The following CUEDC1 variants were observed in gnomAD, a reference collection of about 807,000 sequenced individuals.
The protein encoded by CUEDC1 is CUE domain-containing protein 1.
In CUEDC1, 30 loss-of-function variants were observed where a neutral mutation model predicts 43.7. The ratio of observed to expected loss-of-function variants is 0.69; its 90% CI spans 0.51 to 0.93. The LOEUF is 0.93. Among genes scored for constraint, CUEDC1 ranks in the 40% least tolerant of loss-of-function variants. The pLI, the probability that CUEDC1 is intolerant of heterozygous loss-of-function variation, is 0.00. For missense variants in CUEDC1, 486 were observed against 549.0 expected (o/e 0.89, Z 1.15); for synonymous variants, 223 against 223.6 (o/e 1.00, Z 0.02).
At chr17:57,892,531 C>T (rs1161904183) in intron 1 of CUEDC1, 1 of 152,396 alleles carries the variant, frequency 6.6e-6, no homozygotes, top group Non-Finnish European at 1.5e-5. Flanking sequence ...CAGGCTCCCT[C>T]CTCTGAAAAT....
intron 5 of CUEDC1, 139 bp downstream of exon 5, chr17:57,872,524 G>T: frequency 2.2e-6 from 2 of 908,534 alleles, no homozygotes; most frequent in Non-Finnish European, 3.3e-6. Flanking sequence ...GGGATAACTT[G>T]GTGGGAGTCA....
rs553155630 is a variant in CUEDC1 at position 57,924,236 on chromosome 17, G to A, written c.-316+30989C>T. Among the ~76,000 whole-genome samples, 67 of 152,306 alleles carry A rather than the reference G, an allele frequency of 4.4e-4. 1 individual carries two copies. Among genetic ancestry groups the A allele is most frequent in the African/African-American group, 1.6e-3 (65 of 41,554 alleles). On this transcript the variant is annotated intron_variant, in intron 1 of 10. Coordinates refer to ENST00000577830, the MANE Select transcript of CUEDC1 (RefSeq NM_001271875.2). ...TTTTTATGCCTCAGCCTCCCAAGTA[G>A]CTGGGACTACGGGCGGACGCCACCA...
intron 1 of CUEDC1, among the ~76,000 whole-genome samples, chr17:57,894,712 C>G (rs2144989425): frequency 6.7e-6 from 1 of 150,372 alleles, no homozygotes; most frequent in South Asian, 2.1e-4. Flanking sequence ...AAGACCTTTT[C>G]TTTTCTAATT....
At chr17:57,865,563 A>T (rs1287762677) in intron 10 of CUEDC1, among the ~76,000 whole-genome samples, 2 of 152,200 alleles carry the variant, frequency 1.3e-5, no homozygotes, top group East Asian at 3.9e-4. Context: ...TCCCATGGTA[A>T]ACGGGGGCTG....
chr17:57,929,212 C>A (rs998888605), intron 1 of CUEDC1, among the ~76,000 whole-genome samples: 1 of 152,160 alleles, frequency 6.6e-6, no homozygotes, highest in Non-Finnish European at 1.5e-5. Context: ...TAACGATAAG[C>A]TTTACCCAAA....
At chr17:57,864,226 G>C (rs34964334) in intron 10 of CUEDC1, among the ~76,000 whole-genome samples, 4,684 of 152,100 alleles carry the variant, frequency 0.031, 83 homozygotes, top group Non-Finnish European at 0.043. Flanking sequence ...AGACTGAGTT[G>C]CTATCCAAGG....
chr17:57,905,939 TTAAAA>T (rs1400955102), intron 1 of CUEDC1, among the ~76,000 whole-genome samples: 1 of 152,206 alleles, frequency 6.6e-6, no homozygotes, highest in African/African-American at 2.4e-5. Flanking sequence ...TTTCTGCAGT[TTAAAA>T]TAAGATATTA....
At chr17:57,874,393 G>T (rs1221959340) in intron 3 of CUEDC1, among the ~76,000 whole-genome samples, 2 of 152,248 alleles carry the variant, frequency 1.3e-5, no homozygotes, top group Non-Finnish European at 2.9e-5. Flanking sequence ...AAACGTGCGT[G>T]GAGATGTGAG....
intron 1 of CUEDC1, among the ~76,000 whole-genome samples, chr17:57,886,763 G>T (rs1324953229): frequency 1.3e-5 from 2 of 150,666 alleles, no homozygotes; most frequent in African/African-American, 4.9e-5. Flanking sequence ...AAAAATTCTA[G>T]AAGTTTTTTC....
Position 57,867,429 on chromosome 17 carries a change from C to A in CUEDC1, c.1035-14G>T. On this transcript the variant is annotated splice_polypyrimidine_tract_variant and intron_variant, in intron 8 of 10. Transcript: ENST00000577830. ...GCAGCCCCCAGCCTGCCAGGCCATT[C>A]AGGAAAACCGTCCCAGGGATGAGGG... 5.8e-6 allele frequency: 9 copies of A among 1,552,010 alleles called. No homozygotes were observed. The highest frequency in any genetic ancestry group is 7.8e-6 in the Non-Finnish European group (9 of 1,147,142).
intron 9 of CUEDC1, 178 bp from the exon 10 acceptor site, chr17:57,866,722 G>A: frequency 3.3e-6 from 2 of 604,652 alleles, no homozygotes; most frequent in Non-Finnish European, 5.8e-6. Context: ...AGGACACTCA[G>A]GTGCTGGCCA....
At chr17:57,890,090 T>C (rs2074339195) in intron 1 of CUEDC1, among the ~76,000 whole-genome samples, 1 of 152,244 alleles carries the variant, frequency 6.6e-6, no homozygotes, top group African/African-American at 2.4e-5. Flanking sequence ...CTGTCTCCAT[T>C]TCATAGCTGT....
At chr17:57,942,319 A>G (rs2074923947) in intron 1 of CUEDC1, among the ~76,000 whole-genome samples, 1 of 152,130 alleles carries the variant, frequency 6.6e-6, no homozygotes, top group Non-Finnish European at 1.5e-5. Flanking sequence ...TGGGGTGCGA[A>G]TGGCCCACTC....
chr17:57,874,492 G>GC (rs1380176713), intron 3 of CUEDC1, among the ~76,000 whole-genome samples: 1 of 152,226 alleles, frequency 6.6e-6, no homozygotes, highest in African/African-American at 2.4e-5. Context: ...CCATGGCAGA[G>GC]CCAACAGCTG....
chr17:57,931,628 CTGGGT>C, intron 1 of CUEDC1, among the ~76,000 whole-genome samples: 1 of 152,144 alleles, frequency 6.6e-6, no homozygotes, highest in African/African-American at 2.4e-5. Context: ...GAGGGTGAGA[CTGGGT>C]ATTCAAGTTG....
At chr17:57,935,923 A>T (rs557960945) in intron 1 of CUEDC1, among the ~76,000 whole-genome samples, 1 of 152,274 alleles carries the variant, frequency 6.6e-6, no homozygotes, top group African/African-American at 2.4e-5. Flanking sequence ...GGGGCTCCTG[A>T]GAGAAAGACC....
At chr17:57,875,697 G>C (rs112170976) in intron 3 of CUEDC1, among the ~76,000 whole-genome samples, 326 of 152,176 alleles carry the variant, frequency 2.1e-3, no homozygotes, top group African/African-American at 7.5e-3. Context: ...GGACAGACTG[G>C]GGGAGGGGAA....
intron 1 of CUEDC1, among the ~76,000 whole-genome samples, chr17:57,938,171 A>C (rs2074880030): frequency 6.6e-6 from 1 of 152,178 alleles, no homozygotes; most frequent in Admixed American, 6.5e-5. Context: ...TCTAGGGACA[A>C]GGACTTTGGT....
rs981701670 is a variant in CUEDC1 at position 57,885,529 on chromosome 17, G to A, written c.36C>T (p.Ser12=). The change falls in exon 2 of 11, where the codon AGC becomes AGT. Residue 12 remains serine (S), a synonymous_variant. Coordinates refer to ENST00000577830, the MANE Select transcript of CUEDC1 (RefSeq NM_001271875.2). ...TSLFRRSSSG[S]GGGGTAGARG... ...GTGCCCCGGCGGTGCCACCCCCGCC[G>A]CTGCCGCTGCTGCTCCGGCGGAACA... 83 of 1,386,358 alleles carry A rather than the reference G, an allele frequency of 6.0e-5. No individual in the cohort carries two copies. Among genetic ancestry groups the A allele is most frequent in the Non-Finnish European group, 7.3e-5 (79 of 1,077,644 alleles). The allele number at this position is 1,386,358 out of a possible 1,614,324, so 85.9% of individuals were successfully genotyped here.
Sources: gnomAD v4.1 joint callset for allele counts (sites outside exome capture counted in the v4.1 genomes callset) on GRCh38, gnomAD v4.1.1 for gene constraint, MANE v1.5 for transcripts, NCBI Gene and HGNC (gene_info 2026-07-23, HGNC 2026-07-21) for gene names.